Variants in ADGRF5 observed in about 807,000 individuals in gnomAD.
ADGRF5 encodes the protein G-protein coupled receptor 116.
ADGRF5 carries 75 observed loss-of-function variants against 132.3 expected under a neutral mutation model. The observed-to-expected ratio is 0.57, with a 90% confidence interval of 0.47 to 0.69. The LOEUF (loss-of-function observed/expected upper bound fraction) is 0.69, where lower values mean the gene tolerates loss of function less well. Ranked by LOEUF, ADGRF5 falls within the 30% of genes least tolerant of loss-of-function variation. ADGRF5 has a pLI of 0.00. For synonymous variants in ADGRF5, 629 were observed against 597.6 expected, an observed-to-expected ratio of 1.05 and a Z score of -0.77; for missense variants, 1,516 against 1,630.6, an observed-to-expected ratio of 0.93 and a Z score of 1.21.
intron 2 of ADGRF5, among the ~76,000 whole-genome samples, chr6:46,904,336 A>G (rs535727949): frequency 6.6e-6 from 1 of 152,358 alleles, no homozygotes; most frequent in Admixed American, 6.5e-5. Context: ...CAAAACATAG[A>G]CATATGTACA....
intron 3 of ADGRF5, among the ~76,000 whole-genome samples, chr6:46,892,115 A>T (rs560116462): frequency 6.7e-6 from 1 of 150,210 alleles, no homozygotes; most frequent in South Asian, 2.1e-4. Flanking sequence ...GTGATCCCCA[A>T]ACTTAACTGA....
At position 46,853,703 on chromosome 6, in the gene ADGRF5, T is replaced by C. The variant is rs537974095; in HGVS notation, c.*289A>G. ...AAGTGAAAATGTCTCTTCGAAATTCTATATTACAATATAGACAGAGAAGTT... is the reference window on the plus strand; with the variant it reads ...AAGTGAAAATGTCTCTTCGAAATTCCATATTACAATATAGACAGAGAAGTT... On this transcript the variant is annotated 3_prime_UTR_variant, in exon 21 of 21. Transcript: ENST00000283296. The C allele has an allele frequency of 9.5e-6, 2 of 209,492 alleles. No individual in the cohort carries two copies. The highest frequency in any genetic ancestry group is 1.4e-4 in the East Asian group (1 of 7,234). 13.0% of individuals were successfully genotyped at this position (209,492 alleles called of 1,614,324 possible).
At chr6:46,859,853 C>G (rs529168865) in intron 16 of ADGRF5, among the ~76,000 whole-genome samples, 1 of 35,050 alleles carries the variant, frequency 2.9e-5, no homozygotes, top group East Asian at 2.7e-3. Context: ...TATTTTAAAT[C>G]TTAAGCCTAT....
chr6:46,854,182 C>A, intron 20 of ADGRF5, 111 bp from the exon 21 acceptor site: 1 of 705,062 alleles, frequency 1.4e-6, no homozygotes, highest in Non-Finnish European at 2.3e-6. Flanking sequence ...CAGGTAAGCT[C>A]GGCCATGCCT....
intron 1 of ADGRF5, among the ~76,000 whole-genome samples, chr6:46,915,569 C>T (rs1041607284): frequency 6.9e-4 from 105 of 152,208 alleles, no homozygotes; most frequent in African/African-American, 2.5e-3. Context: ...GCACTTCCTC[C>T]CTTTATGGCC....
intron 1 of ADGRF5, among the ~76,000 whole-genome samples, chr6:46,940,776 C>G (rs1407416478): frequency 6.6e-6 from 1 of 152,258 alleles, no homozygotes; most frequent in South Asian, 2.1e-4. Context: ...TGACCCCTTA[C>G]AGACAAAAAT....
chr6:46,915,939 C>G (rs570594978), intron 1 of ADGRF5, among the ~76,000 whole-genome samples: 97 of 152,238 alleles, frequency 6.4e-4, no homozygotes, highest in Admixed American at 1.2e-3. Flanking sequence ...TCCTCTGCAG[C>G]GCTCCCTTTC....
intron 1 of ADGRF5, among the ~76,000 whole-genome samples, chr6:46,916,357 C>T (rs1269141669): frequency 6.6e-6 from 1 of 152,206 alleles, no homozygotes; most frequent in Admixed American, 6.5e-5. Context: ...CTAACCCATC[C>T]CTTCCCAGAT....
In ADGRF5 at chr6:46,881,518, C is replaced by A. The variant is rs1772463012; in HGVS notation, c.751G>T (p.Val251Phe). The change falls in exon 8 of 21, where the codon GTT becomes TTT. Residue 251 changes from valine to phenylalanine, a missense_variant. Around this residue, in one of 2 missense-constraint regions of ADGRF5, gnomAD observed 945 missense variants for 929.4 expected, o/e 1.02. Transcript: ENST00000283296. ...TAGGTCTGATTGAGGCTCTGTACAACTTGTTCATTGGCTTTATGTATTAAC... is the reference window on the plus strand; with the variant it reads ...TAGGTCTGATTGAGGCTCTGTACAAATTGTTCATTGGCTTTATGTATTAAC... ...LELIHKANEQ[V>F]VQSLNQTYKM... The A allele has an allele frequency of 1.2e-6, 2 of 1,613,290 alleles. No individual in the cohort carries two copies. Among genetic ancestry groups the A allele is most frequent in the Non-Finnish European group, 1.7e-6 (2 of 1,179,338 alleles).
intron 10 of ADGRF5, among the ~76,000 whole-genome samples, chr6:46,876,782 T>C (rs1419567999): frequency 1.3e-5 from 2 of 152,136 alleles, no homozygotes; most frequent in African/African-American, 4.8e-5. Context: ...TTTTTGTATT[T>C]TTAGTAGAGA....
At position 46,896,518 on chromosome 6, in the gene ADGRF5, G is replaced by A. The variant is rs182228712; in HGVS notation, c.157+3511C>T. Among the ~76,000 whole-genome samples, 7 of 152,048 alleles carry A rather than the reference G, an allele frequency of 4.6e-5. No homozygotes were observed. In the East Asian group the frequency reaches 1.2e-3, roughly 25 times the overall value. ...CGCAACACTATTTTATAAATAAATC[G>A]ATTTTCTTTGTTTAAATTTCTTTAA... On this transcript the variant is annotated intron_variant, in intron 3 of 20. Transcript: ENST00000283296.
intron 1 of ADGRF5, among the ~76,000 whole-genome samples, chr6:46,933,154 C>T (rs1416299331): frequency 6.6e-6 from 1 of 152,186 alleles, no homozygotes; most frequent in Non-Finnish European, 1.5e-5. Flanking sequence ...ACGTGGAATG[C>T]TGCAAAACCA....
intron 1 of ADGRF5, among the ~76,000 whole-genome samples, chr6:46,953,649 GTGTATATATATATATATATATATATATA>G (rs1323830003): frequency 2.2e-5 from 2 of 91,506 alleles, no homozygotes; most frequent in African/African-American, 4.6e-5. Context: ...ATAGATATAT[GTGTATATATATATATATATATATATATA>G]TATATATATA....
chr6:46,904,580 T>C (rs1775123447), intron 2 of ADGRF5, among the ~76,000 whole-genome samples: 1 of 152,210 alleles, frequency 6.6e-6, no homozygotes, highest in Admixed American at 6.5e-5. Flanking sequence ...CAAATGGGTA[T>C]AGAGTTTGAG....
Position 46,860,947 on chromosome 6 carries a change from C to G in ADGRF5, c.2200-53G>C, listed in dbSNP as rs112759667. ...AAAATTTACCAATCAATTCAGCTAT[C>G]GAATCCAGCTGATCCATTCCTGGCA... On this transcript the variant is annotated intron_variant, in intron 15 of 20. Transcript: ENST00000283296. 6.0e-4 allele frequency: 845 copies of G among 1,417,030 alleles called. 6 individuals carry two copies. In the African/African-American group the frequency reaches 0.01, roughly 18 times the overall value. 87.8% of individuals were successfully genotyped at this position (1,417,030 alleles called of 1,614,324 possible).
chr6:46,917,070 C>T lies in ADGRF5; in HGVS notation c.-25+4643G>A, dbSNP rs559383142. 5.9e-5 allele frequency among the ~76,000 whole-genome samples: 9 copies of T among 152,346 alleles called. No individual in the cohort carries two copies. In the South Asian group the frequency reaches 1.9e-3, roughly 32 times the overall value. On this transcript the variant is annotated intron_variant, in intron 1 of 20. Coordinates refer to ENST00000283296, the MANE Select transcript of ADGRF5 (RefSeq NM_001098518.2). ...TATCAAGCACTTGCTGTGTGTCAGA[C>T]ACTTGCCATATGGCAAGCATTAGGT...
intron 10 of ADGRF5, among the ~76,000 whole-genome samples, chr6:46,876,072 T>C (rs777614176): frequency 1.5e-4 from 23 of 152,256 alleles, no homozygotes; most frequent in Non-Finnish European, 3.4e-4. Context: ...TAAATTCTTT[T>C]GCTTGATTGT....
chr6:46,853,909 G>T lies in ADGRF5; in HGVS notation c.*83C>A, dbSNP rs542605518. 183 of 927,864 alleles carry T rather than the reference G, an allele frequency of 2.0e-4. No homozygotes were observed. Among genetic ancestry groups the T allele is most frequent in the Non-Finnish European group, 2.7e-4 (161 of 599,576 alleles). 57.5% of individuals were successfully genotyped at this position (927,864 alleles called of 1,614,324 possible). ...TCCCGGAAACCTGCCCCGAGAACAC[G>T]TTCCCCATTGCTTTGCAAGCATCTC... is the stretch of plus-strand genomic sequence containing the variant. On this transcript the variant is annotated 3_prime_UTR_variant, in exon 21 of 21. Coordinates refer to ENST00000283296, the MANE Select transcript of ADGRF5 (RefSeq NM_001098518.2).
chr6:46,888,540 A>T, intron 3 of ADGRF5, 35 bp from the exon 4 acceptor site: 1 of 1,459,576 alleles, frequency 6.9e-7, no homozygotes, highest in Non-Finnish European at 9.6e-7. Context: ...GAGAGAACTT[A>T]CCATGGGAGA....
Sources: allele counts gnomAD v4.1 joint callset (sites outside exome capture counted in the v4.1 genomes callset), GRCh38; gene constraint gnomAD v4.1.1; regional missense constraint gnomAD v4.1.1; transcripts MANE v1.5; gene names NCBI Gene and HGNC (gene_info 2026-07-23, HGNC 2026-07-21).